MINK1: variants seen among roughly 807,000 people sequenced by gnomAD.
MINK1 encodes misshapen-like kinase 1.
In MINK1, 46 loss-of-function variants were observed where a neutral mutation model predicts 178.4. That is an observed-to-expected ratio of 0.26 (90% CI 0.20 to 0.33). The LOEUF is 0.33. MINK1 is among the 10% of genes least tolerant of loss of function. The pLI is 1.00. For missense variants in MINK1, 1,366 were observed against 1,814.9 expected (o/e 0.75, Z 4.49); for synonymous variants, 797 against 709.7 (o/e 1.12, Z -1.96).
At chr17:4,839,925 GTAAT>G (rs1225582065) in intron 1 of MINK1, among the ~76,000 whole-genome samples, 3 of 146,330 alleles carry the variant, frequency 2.1e-5, no homozygotes, top group South Asian at 2.1e-4. Flanking sequence ...CATTAATCAA[GTAAT>G]TATTTATTAA....
rs1469005749 is a variant in MINK1 at position 4,895,923 on chromosome 17, C to G, written c.3365-80C>G. The G allele has an allele frequency of 1.3e-6, 2 of 1,571,796 alleles. No individual in the cohort carries two copies. Among genetic ancestry groups the G allele is most frequent in the Non-Finnish European group, 1.7e-6 (2 of 1,158,108 alleles). On this transcript the variant is annotated intron_variant, in intron 27 of 31. Coordinates refer to ENST00000355280, the MANE Select transcript of MINK1 (RefSeq NM_153827.5). The surrounding 1 kb of genome is among the most constrained non-coding windows in gnomAD (Gnocchi z 4.3). Reference sequence around the variant, plus strand: ...CCAGGGACTTGGGGCCTGGGTGGGGCAGTGTAGTGACAGACCACGGGGAGG... The same window carrying G: ...CCAGGGACTTGGGGCCTGGGTGGGGGAGTGTAGTGACAGACCACGGGGAGG...
At chr17:4,860,087 G>C (rs570282357) in intron 1 of MINK1, among the ~76,000 whole-genome samples, 1 of 151,944 alleles carries the variant, frequency 6.6e-6, no homozygotes, top group African/African-American at 2.4e-5. Flanking sequence ...ACTACTTGCC[G>C]CATGCGGAGC....
intron 15 of MINK1, 57 bp downstream of exon 15, chr17:4,891,181 C>CGTGTGTGTGTACCTGTGCTCTGA: frequency 2.2e-6 from 3 of 1,355,144 alleles, no homozygotes; most frequent in Non-Finnish European, 3.0e-6. Context: ...GTTCAGAGCA[C>CGTGTGTGTGTACCTGTGCTCTGA]AGGTACACAC....
rs530140194 is a variant in MINK1 at position 4,891,337 on chromosome 17, C to T, written c.1741-119C>T. 7.3e-6 allele frequency: 10 copies of T among 1,368,210 alleles called. No homozygotes were observed. The African/African-American group carries it at 7.3e-5, about 10-fold the overall frequency. 84.8% of individuals were successfully genotyped at this position (1,368,210 alleles called of 1,614,324 possible). On this transcript the variant is annotated intron_variant, in intron 15 of 31. Transcript: ENST00000355280. ...CTTAGCTGTCATCAGGCTCAAGGAA[C>T]CCCTTGTCCTTCAATGGAGGAAGGG...
intron 4 of MINK1, among the ~76,000 whole-genome samples, chr17:4,882,683 G>A (rs1371059651): frequency 1.3e-5 from 2 of 152,170 alleles, no homozygotes; most frequent in East Asian, 1.9e-4. Context: ...GTTGTACCAC[G>A]AAAGCAGCAA....
chr17:4,872,177 A>G (rs1274273007), intron 1 of MINK1, among the ~76,000 whole-genome samples: 1 of 152,080 alleles, frequency 6.6e-6, no homozygotes, highest in East Asian at 1.9e-4. Flanking sequence ...TAAAATACAA[A>G]AAATTAGCCA....
Position 4,893,444 on chromosome 17 carries a change from T to G in MINK1, c.2411T>G (p.Leu804Trp), listed in dbSNP as rs1470046234. ...GGCTCCTCCCTGCAGGACTTTGTGT[T>G]GCTGAAAGAGCGGACTCTGGACGAG... ...SRPGRPADFV[L>W]LKERTLDEAP... The change falls in exon 21 of 32, where the codon TTG becomes TGG. Residue 804 changes from leucine to tryptophan, a missense_variant. Around this residue, in one of 14 missense-constraint regions of MINK1, gnomAD observed 709 missense variants for 692.3 expected, o/e 1.02. Transcript: ENST00000355280. 4 of 1,594,486 alleles carry G rather than the reference T, an allele frequency of 2.5e-6. No homozygotes were observed. Among genetic ancestry groups the G allele is most frequent in the Non-Finnish European group, 3.4e-6 (4 of 1,164,456 alleles).
intron 1 of MINK1, among the ~76,000 whole-genome samples, chr17:4,874,166 T>C (rs903762243): frequency 1.3e-5 from 2 of 152,250 alleles, no homozygotes; most frequent in Non-Finnish European, 1.5e-5. Flanking sequence ...TATAAAATTA[T>C]AAGGTTTTAT....
intron 1 of MINK1, among the ~76,000 whole-genome samples, chr17:4,877,749 G>T (rs1456553511): frequency 6.8e-6 from 1 of 147,398 alleles, no homozygotes; most frequent in Non-Finnish European, 1.5e-5. Context: ...CGGTGGGTTT[G>T]AAATCGGGAA....
At chr17:4,872,677 CAGG>C (rs1462120961) in intron 1 of MINK1, among the ~76,000 whole-genome samples, 1 of 152,026 alleles carries the variant, frequency 6.6e-6, no homozygotes, top group African/African-American at 2.4e-5. Context: ...GAGGCTGAAG[CAGG>C]AGAATTGCTT....
At chr17:4,868,588 A>C (rs925987232) in intron 1 of MINK1, among the ~76,000 whole-genome samples, 4 of 152,170 alleles carry the variant, frequency 2.6e-5, no homozygotes, top group Admixed American at 6.6e-5. Context: ...AAGTGGACAG[A>C]TTTCATTACT....
chr17:4,884,193 G>T (rs1967989927), intron 4 of MINK1, among the ~76,000 whole-genome samples, 170 bp from the exon 5 acceptor site: 1 of 151,552 alleles, frequency 6.6e-6, no homozygotes, highest in Non-Finnish European at 1.5e-5. Flanking sequence ...TTGACTTGAG[G>T]AAATCCTGTG....
chr17:4,852,400 C>T (rs184597024), intron 1 of MINK1, among the ~76,000 whole-genome samples: 98 of 151,808 alleles, frequency 6.5e-4, no homozygotes, highest in Non-Finnish European at 5.6e-4. Context: ...ACGAAAGAGT[C>T]AGTACAGGGT....
intron 1 of MINK1, among the ~76,000 whole-genome samples, chr17:4,835,875 C>T (rs1909238404): frequency 6.6e-6 from 1 of 152,182 alleles, no homozygotes; most frequent in Non-Finnish European, 1.5e-5. Context: ...CTCCTCTCCC[C>T]TCAGGAGACC....
chr17:4,879,837 T>C (rs2150986345), intron 2 of MINK1, among the ~76,000 whole-genome samples: 1 of 152,306 alleles, frequency 6.6e-6, no homozygotes. Flanking sequence ...CAGCTCTGTC[T>C]CTGTTCTTTC....
intron 1 of MINK1, chr17:4,860,767 C>T (rs368463578): frequency 6.2e-5 from 32 of 519,942 alleles, no homozygotes; most frequent in Admixed American, 5.6e-4. Flanking sequence ...GAGCAGAGAC[C>T]GTGGTGCAGG....
chr17:4,896,136 G>C lies in MINK1; in HGVS notation c.3465+33G>C, dbSNP rs1428170864. ...CAGCCTCGGTCCCTAACACCATCTG[G>C]AGTCCCAGCGCCTCTCCCCGTGCCC... On this transcript the variant is annotated intron_variant, in intron 28 of 31. Transcript: ENST00000355280. The surrounding 1 kb of genome is among the most constrained non-coding windows in gnomAD (Gnocchi z 4.6). The C allele has an allele frequency of 6.2e-7, 1 of 1,606,336 alleles. No individual in the cohort carries two copies. The highest frequency in any genetic ancestry group is 2.2e-5 in the East Asian group (1 of 44,634).
chr17:4,848,116 T>C (rs1911319527), intron 1 of MINK1, among the ~76,000 whole-genome samples: 1 of 152,112 alleles, frequency 6.6e-6, no homozygotes, highest in African/African-American at 2.4e-5. Context: ...CTTCAGAATA[T>C]GTACACTCCA....
chr17:4,894,671 TC>T lies in MINK1; in HGVS notation c.2917+40del. ...GGACAGACCTGCTGTGAGGCCAGGG[TC>T]CAGGGGCAGCCTGGAGGGGAGCACA... On this transcript the variant is annotated intron_variant, in intron 24 of 31. Transcript: ENST00000355280. This position sits in a 1 kb window ranked among gnomAD's most constrained non-coding sequence, Gnocchi z 4.1. The T allele has an allele frequency of 6.6e-7, 1 of 1,510,312 alleles. No homozygotes were observed. Among genetic ancestry groups the T allele is most frequent in the African/African-American group, 1.4e-5 (1 of 72,686 alleles). The allele number at this position is 1,510,312 out of a possible 1,614,324, so 93.6% of individuals were successfully genotyped here.
Sources: gnomAD v4.1 joint callset for allele counts (sites outside exome capture counted in the v4.1 genomes callset) on GRCh38, gnomAD v4.1.1 for gene constraint, gnomAD v4.1.1 regional missense constraint, Gnocchi (gnomAD v3.1) non-coding constraint, MANE v1.5 for transcripts, NCBI Gene and HGNC (gene_info 2026-07-23, HGNC 2026-07-21) for gene names.